The following CDH12 variants were observed in gnomAD, a reference collection of about 807,000 sequenced individuals.
The protein encoded by CDH12 is cadherin-12.
CDH12 carries 41 observed loss-of-function variants against 74.1 expected under a neutral mutation model. The ratio of observed to expected loss-of-function variants is 0.55; its 90% CI spans 0.43 to 0.72. The LOEUF (loss-of-function observed/expected upper bound fraction) is 0.72, where lower values mean the gene tolerates loss of function less well. Ranked by LOEUF, CDH12 falls within the 30% of genes least tolerant of loss-of-function variation. The pLI, the probability that CDH12 is intolerant of heterozygous loss-of-function variation, is 0.00. For synonymous variants in CDH12, 399 were observed against 355.0 expected, an observed-to-expected ratio of 1.12 and a Z score of -1.39; for missense variants, 945 against 977.2, an observed-to-expected ratio of 0.97 and a Z score of 0.44.
intron 5 of CDH12, among the ~76,000 whole-genome samples, chr5:22,058,085 C>A (rs1454128641): frequency 6.6e-6 from 1 of 151,802 alleles, no homozygotes; most frequent in Non-Finnish European, 1.5e-5. Flanking sequence ...TTGATGGAGT[C>A]TTGCTCTGTC....
chr5:22,823,218 C>G (rs1581036083), intron 1 of CDH12, among the ~76,000 whole-genome samples: 2 of 128,060 alleles, frequency 1.6e-5, no homozygotes, highest in East Asian at 5.1e-4. Flanking sequence ...GAACATCACA[C>G]TCCGGGGACT....
chr5:22,124,431 T>C (rs1380422783), intron 4 of CDH12, among the ~76,000 whole-genome samples: 2 of 152,200 alleles, frequency 1.3e-5, no homozygotes, highest in Non-Finnish European at 2.9e-5. Flanking sequence ...GCCTTGCTTA[T>C]TTTTTTCAAA....
Position 21,949,781 on chromosome 5 carries a change from G to A in CDH12, c.526+25310C>T, listed in dbSNP as rs1019820754. Among the ~76,000 whole-genome samples the A allele has an allele frequency of 9.2e-5, 14 of 152,252 alleles. 2 individuals are homozygous for A. The South Asian group carries it at 1.0e-3, about 11-fold the overall frequency. ...TAAAGTATTTCTGTGTACAATATGC[G>A]TTTTAAGCTAAGTGTTATTACAAAA... On this transcript the variant is annotated intron_variant, in intron 6 of 14. Coordinates refer to ENST00000382254, the MANE Select transcript of CDH12 (RefSeq NM_004061.5).
rs1561390250 is a variant in CDH12 at position 22,420,486 on chromosome 5, T to C, written c.-427-15135A>G. On this transcript the variant is annotated intron_variant, in intron 2 of 14. Transcript: ENST00000382254. ...TTGTCAAAGACTGGATGATTATAGA[T>C]GTGTGGTCTTATTCCTTAGATCTCT... Among the ~76,000 whole-genome samples the C allele has an allele frequency of 4.6e-5, 7 of 152,274 alleles. No individual in the cohort carries two copies. The South Asian group carries it at 1.5e-3, about 32-fold the overall frequency.
chr5:22,215,048 T>G (rs183280095), intron 3 of CDH12, among the ~76,000 whole-genome samples: 75 of 152,340 alleles, frequency 4.9e-4, no homozygotes, highest in Admixed American at 1.5e-3. Context: ...ATTACATGCT[T>G]GCTATGTAGT....
chr5:21,948,551 C>T (rs1755682128), intron 6 of CDH12, among the ~76,000 whole-genome samples: 1 of 152,138 alleles, frequency 6.6e-6, no homozygotes, highest in Non-Finnish European at 1.5e-5. Context: ...TTTGATTTTA[C>T]AGGCTTATAG....
At chr5:22,775,639 G>T (rs758686569) in intron 1 of CDH12, among the ~76,000 whole-genome samples, 22 of 152,046 alleles carry the variant, frequency 1.4e-4, no homozygotes, top group Non-Finnish European at 2.5e-4. Context: ...ACATTGTGTA[G>T]ACTGACTTCA....
At chr5:22,005,488 G>C (rs1222739213) in intron 5 of CDH12, among the ~76,000 whole-genome samples, 2 of 151,406 alleles carry the variant, frequency 1.3e-5, no homozygotes, top group African/African-American at 4.9e-5. Context: ...CCTTTGTGTA[G>C]ATATACAGCA....
intron 10 of CDH12, among the ~76,000 whole-genome samples, chr5:21,792,636 C>A: frequency 7.2e-6 from 1 of 138,150 alleles, no homozygotes; most frequent in South Asian, 2.3e-4. Flanking sequence ...CAGTCATACA[C>A]GGTTTCTTAC....
intron 4 of CDH12, among the ~76,000 whole-genome samples, chr5:22,140,437 A>T (rs1746720868): frequency 7.3e-6 from 1 of 137,852 alleles, no homozygotes; most frequent in African/African-American, 2.5e-5. Flanking sequence ...AAAAGTGTAT[A>T]AAGTAAAAAG....
chr5:22,226,679 C>T (rs1266872335), intron 3 of CDH12, among the ~76,000 whole-genome samples: 2 of 152,082 alleles, frequency 1.3e-5, no homozygotes, highest in East Asian at 1.9e-4. Context: ...TTTGTAGTAA[C>T]GTGTTACACA....
intron 3 of CDH12, among the ~76,000 whole-genome samples, chr5:22,292,976 T>A (rs1192778111): frequency 6.6e-6 from 1 of 151,972 alleles, no homozygotes; most frequent in Non-Finnish European, 1.5e-5. Flanking sequence ...GTAATTCACA[T>A]CTGTTCCCAA....
At chr5:22,491,610 CAA>C (rs11446320) in intron 2 of CDH12, among the ~76,000 whole-genome samples, 2 of 120,940 alleles carry the variant, frequency 1.7e-5, no homozygotes, top group Non-Finnish European at 3.4e-5. Context: ...AGCTAATGAG[CAA>C]AAAAAAAAAC....
intron 2 of CDH12, among the ~76,000 whole-genome samples, chr5:22,423,152 G>A (rs1241927142): frequency 1.4e-5 from 2 of 147,960 alleles, no homozygotes; most frequent in African/African-American, 5.0e-5. Context: ...ATCACAATTT[G>A]TGCTAATTTT....
At chr5:22,783,295 C>T (rs1747472852) in intron 1 of CDH12, among the ~76,000 whole-genome samples, 1 of 151,288 alleles carries the variant, frequency 6.6e-6, no homozygotes, top group Admixed American at 6.6e-5. Context: ...ACATGAGACA[C>T]ACTATCCCAG....
chr5:22,298,983 T>C (rs1482773909), intron 3 of CDH12, among the ~76,000 whole-genome samples: 1 of 152,224 alleles, frequency 6.6e-6, no homozygotes, highest in African/African-American at 2.4e-5. Context: ...TCTACTATAA[T>C]CTAGACACTG....
chr5:22,283,231 T>C (rs1174069422), intron 3 of CDH12, among the ~76,000 whole-genome samples: 3 of 24,020 alleles, frequency 1.2e-4, no homozygotes, highest in Admixed American at 4.9e-4. Flanking sequence ...TATATATATA[T>C]ATATATATAT....
chr5:21,848,248 C>T (rs1322289617), intron 7 of CDH12, among the ~76,000 whole-genome samples: 1 of 152,012 alleles, frequency 6.6e-6, no homozygotes, highest in Non-Finnish European at 1.5e-5. Context: ...CCTAGTTAAA[C>T]ATAGACTCCA....
intron 1 of CDH12, among the ~76,000 whole-genome samples, chr5:22,767,477 C>T (rs1746577662): frequency 6.6e-6 from 1 of 151,906 alleles, no homozygotes; most frequent in Admixed American, 6.6e-5. Flanking sequence ...CTATTGAGTC[C>T]ACTGAGTGGT....
Sources: gnomAD v4.1 joint callset for allele counts (sites outside exome capture counted in the v4.1 genomes callset) on GRCh38, gnomAD v4.1.1 for gene constraint, MANE v1.5 for transcripts, NCBI Gene and HGNC (gene_info 2026-07-23, HGNC 2026-07-21) for gene names.